Variants in ZNF790 observed in about 807,000 individuals in gnomAD.
The protein encoded by ZNF790 is zinc finger protein 790.
ZNF790 carries 8 observed loss-of-function variants against 12.1 expected under a neutral mutation model. The observed-to-expected ratio is 0.66, with a 90% CI of 0.39 to 1.19. The LOEUF is 1.19. Among genes scored for constraint, ZNF790 ranks in the 50% most tolerant of loss-of-function variants. ZNF790 has a pLI of 0.01. For missense variants in ZNF790, 707 were observed against 752.2 expected, an observed-to-expected ratio of 0.94 and a Z score of 0.70; for synonymous variants, 252 against 244.3, an observed-to-expected ratio of 1.03 and a Z score of -0.29.
At chr19:36,843,920 G>A (rs2072151719) in intron 1 of ZNF790, among the ~76,000 whole-genome samples, 1 of 150,212 alleles carries the variant, frequency 6.7e-6, no homozygotes, top group African/African-American at 2.5e-5. Flanking sequence ...AGGCAGGAGA[G>A]TTGCTTGAAC....
upstream of ZNF790, among the ~76,000 whole-genome samples, chr19:36,840,848 C>T (rs1419150713): frequency 2.6e-5 from 4 of 152,062 alleles, no homozygotes; most frequent in African/African-American, 9.7e-5. Flanking sequence ...ACACTCAAGA[C>T]ATAAAAGCAA....
chr19:36,830,308 G>GT (rs983968824), intron 1 of ZNF790, among the ~76,000 whole-genome samples: 5 of 152,116 alleles, frequency 3.3e-5, no homozygotes, highest in East Asian at 1.9e-4. Flanking sequence ...TGTGATTTTT[G>GT]TTTTTTTATT....
intron 1 of ZNF790, chr19:36,828,100 T>C (rs1298938698): frequency 6.6e-6 from 1 of 152,196 alleles, no homozygotes; most frequent in Non-Finnish European, 1.5e-5. Context: ...ATATATTTTG[T>C]GTTTGAGAAC....
At chr19:36,838,686 A>G (rs553412697), upstream of ZNF790, among the ~76,000 whole-genome samples, 2 of 152,152 alleles carry the variant, frequency 1.3e-5, no homozygotes, top group African/African-American at 2.4e-5. This position sits in a 1 kb window ranked among gnomAD's most constrained non-coding sequence, Gnocchi z 4.4. Flanking sequence ...AGCCCAGGCC[A>G]TCTTAGGCTG....
chr19:36,825,561 G>T (rs2071778792), intron 2 of ZNF790, 50 bp downstream of exon 2: 2 of 1,575,838 alleles, frequency 1.3e-6, no homozygotes, highest in Non-Finnish European at 1.7e-6. Context: ...ATATTCACAT[G>T]ATTTGATATA....
intron 1 of ZNF790, among the ~76,000 whole-genome samples, chr19:36,846,297 G>A (rs765786188): frequency 6.6e-6 from 1 of 152,084 alleles, no homozygotes; most frequent in Non-Finnish European, 1.5e-5. Context: ...AGTGGCTCAC[G>A]CCTGTAGTCC....
intron 1 of ZNF790, among the ~76,000 whole-genome samples, chr19:36,831,228 C>T (rs2071940029): frequency 1.3e-5 from 2 of 151,830 alleles, no homozygotes; most frequent in African/African-American, 4.8e-5. Context: ...CTAAAAAAAT[C>T]AGAGAAGATG....
intron 4 of ZNF790, among the ~76,000 whole-genome samples, chr19:36,822,568 GACTGT>G (rs2071697778): frequency 6.6e-6 from 1 of 152,210 alleles, no homozygotes; most frequent in South Asian, 2.1e-4. Context: ...GATGGAGTCT[GACTGT>G]ACTCCAGCCC....
intron 1 of ZNF790, among the ~76,000 whole-genome samples, chr19:36,830,201 C>CT (rs1302008621): frequency 6.6e-6 from 1 of 152,090 alleles, no homozygotes; most frequent in African/African-American, 2.4e-5. Flanking sequence ...TTGAATTCCT[C>CT]TTTATTCCTA....
In ZNF790 at chr19:36,817,674, T is replaced by C. The variant is rs1320468601; in HGVS notation, c.*759A>G. 1 of 148,502 alleles carries C rather than the reference T, an allele frequency of 6.7e-6. No individual in the cohort carries two copies. The highest frequency in any genetic ancestry group is 1.5e-5 in the Non-Finnish European group (1 of 67,114). The allele number at this position is 148,502 out of a possible 1,614,324, so 9.2% of individuals were successfully genotyped here. On this transcript the variant is annotated 3_prime_UTR_variant, in exon 5 of 5. Transcript: ENST00000356725. ...TAAGATACTTTCCAAAAAAAAAAAA[T>C]AGAGGCAGGATGTATTGAAACAAGA... is the stretch of plus-strand genomic sequence containing the variant.
At chr19:36,836,816 G>A (rs957927029) in intron 1 of ZNF790, among the ~76,000 whole-genome samples, 7 of 152,134 alleles carry the variant, frequency 4.6e-5, no homozygotes, top group African/African-American at 1.7e-4. Context: ...GGCAACATCC[G>A]GGAAGATTGT....
intron 1 of ZNF790, chr19:36,828,063 G>C (rs1384091731): frequency 9.2e-5 from 14 of 152,196 alleles, no homozygotes; most frequent in Admixed American, 9.2e-4. Context: ...GAAGAGTGAA[G>C]GGCTGGAGAA....
intron 1 of ZNF790, among the ~76,000 whole-genome samples, chr19:36,827,090 A>G (rs2925697): frequency 0.37 from 43,460 of 117,724 alleles, 7,869 homozygotes; most frequent in African/African-American, 0.47. Context: ...GTGTGTATAT[A>G]TGTGTGTGTG....
At chr19:36,847,811 A>G (rs948484711) in intron 1 of ZNF790, among the ~76,000 whole-genome samples, 1 of 151,816 alleles carries the variant, frequency 6.6e-6, no homozygotes, top group Non-Finnish European at 1.5e-5. Context: ...AAGAGCCTAC[A>G]TAGATGGAAT....
rs1311756052 is a variant in ZNF790, at chr19:36,825,623, T to TTAAC, written c.-8_-5dup. On this transcript the variant is annotated 5_prime_UTR_variant, in exon 2 of 5. Transcript: ENST00000356725. ...AATTCCAACTCACATGGGCCATGAC[T>TTAAC]TAACATTCCAAGTCCACCAGTCCTT... 6.2e-7 allele frequency: 1 copy of TTAAC among 1,614,006 alleles called. No individual in the cohort carries two copies. Among genetic ancestry groups the TTAAC allele is most frequent in the Non-Finnish European group, 8.5e-7 (1 of 1,179,978 alleles).
Position 36,819,062 on chromosome 19 carries a change from C to T in ZNF790, c.1282G>A (p.Gly428Arg), listed in dbSNP as rs140259727. ...TACGAAGCCCAAGTAAAAGTCTTCCCGCATTGCTTACATTCATAAGGTTTC... is the reference window on the plus strand; with the variant it reads ...TACGAAGCCCAAGTAAAAGTCTTCCTGCATTGCTTACATTCATAAGGTTTC... ...GRKPYECKQC[G>R]KTFTWASYLA... The change falls in exon 5 of 5, where the codon GGG becomes AGG. Residue 428 changes from glycine to arginine, a missense_variant. Coordinates refer to ENST00000356725, the MANE Select transcript of ZNF790 (RefSeq NM_206894.4). The T allele has an allele frequency of 9.4e-5, 152 of 1,614,018 alleles. No individual in the cohort carries two copies. In the African/African-American group the frequency reaches 1.3e-3, roughly 13 times the overall value.
Position 36,819,625 on chromosome 19 carries a change from C to T in ZNF790, c.719G>A (p.Ser240Asn), listed in dbSNP as rs771698143. ...ATGAATTCTCTTATGACCAGTAAGA[C>T]TCGAACGTAAACTAAAAGACTTCCC... ...ECGKSFSLRS[S>N]LTGHKRIHTG... The change falls in exon 5 of 5, where the codon AGT (serine) becomes AAT (asparagine). Residue 240 changes from serine (S) to asparagine (N), a missense_variant. Coordinates refer to ENST00000356725, the MANE Select transcript of ZNF790 (RefSeq NM_206894.4). 1.2e-6 allele frequency: 2 copies of T among 1,606,778 alleles called. No homozygotes were observed. The highest frequency in any genetic ancestry group is 2.2e-5 in the East Asian group (1 of 44,754).
At chr19:36,838,633 C>G (rs535278015), upstream of ZNF790, among the ~76,000 whole-genome samples, 171 of 152,334 alleles carry the variant, frequency 1.1e-3, no homozygotes, top group Non-Finnish European at 1.8e-3. This position sits in a 1 kb window ranked among gnomAD's most constrained non-coding sequence, Gnocchi z 4.4. Flanking sequence ...TGCAGGCTGC[C>G]CTACCTCTGC....
At position 36,835,735 on chromosome 19, in the gene ZNF790, C is replaced by T. The variant is rs75327376; in HGVS notation, c.-74+2602G>A. ...TTTCTGGAAGCTCCAGGGGAGAATTCGTTTTCTTATGTTTTCCAGCTTCTA... is the reference window on the plus strand; with the variant it reads ...TTTCTGGAAGCTCCAGGGGAGAATTTGTTTTCTTATGTTTTCCAGCTTCTA... On this transcript the variant is annotated intron_variant, in intron 1 of 4. Coordinates refer to ENST00000356725, the MANE Select transcript of ZNF790 (RefSeq NM_206894.4). 5.3e-3 allele frequency among the ~76,000 whole-genome samples: 799 copies of T among 151,584 alleles called. 22 individuals are homozygous for T. Among genetic ancestry groups the T allele is most frequent in the Admixed American group, 0.038 (581 of 15,096 alleles).
Sources: allele counts gnomAD v4.1 joint callset (sites outside exome capture counted in the v4.1 genomes callset), GRCh38; gene constraint gnomAD v4.1.1; non-coding constraint Gnocchi (gnomAD v3.1); transcripts MANE v1.5; gene names NCBI Gene and HGNC (gene_info 2026-07-23, HGNC 2026-07-21).